The following CAMKMT variants were observed in gnomAD, a reference collection of about 807,000 sequenced individuals.
CAMKMT encodes the protein CaM KMT.
In CAMKMT, 53 loss-of-function variants were observed where a neutral mutation model predicts 48.0. The ratio of observed to expected loss-of-function variants is 1.10; its 90% CI spans 0.89 to 1.39. CAMKMT has a LOEUF of 1.39. Ranked by LOEUF, CAMKMT falls within the 40% of genes most tolerant of loss-of-function variation. CAMKMT has a pLI of 0.00. For synonymous variants in CAMKMT, 165 were observed against 152.3 expected (o/e 1.08, Z -0.61); for missense variants, 428 against 402.7 (o/e 1.06, Z -0.54).
intron 3 of CAMKMT, among the ~76,000 whole-genome samples, chr2:44,628,396 C>G (rs1431011486): frequency 6.6e-6 from 1 of 151,898 alleles, no homozygotes; most frequent in Non-Finnish European, 1.5e-5. Context: ...TTTTCTTTCT[C>G]CTTTTATCTT....
intron 3 of CAMKMT, among the ~76,000 whole-genome samples, chr2:44,437,709 C>T (rs1049670396): frequency 1.3e-5 from 2 of 151,716 alleles, no homozygotes; most frequent in African/African-American, 2.4e-5. Flanking sequence ...ATCATTTGGG[C>T]GTGGTGCATA....
At chr2:44,536,610 G>A (rs1476503231) in intron 3 of CAMKMT, among the ~76,000 whole-genome samples, 1 of 151,952 alleles carries the variant, frequency 6.6e-6, no homozygotes, top group African/African-American at 2.4e-5. Context: ...TTACAGGTGT[G>A]AGCCACTACA....
intron 3 of CAMKMT, chr2:44,456,529 A>G (rs1041165734): frequency 3.0e-5 from 47 of 1,546,186 alleles, no homozygotes; most frequent in Non-Finnish European, 3.9e-5. Context: ...ACTACAGCCA[A>G]GTTTACCTTT....
At chr2:44,367,486 G>A (rs1678724581) in intron 1 of CAMKMT, among the ~76,000 whole-genome samples, 1 of 152,164 alleles carries the variant, frequency 6.6e-6, no homozygotes, top group Non-Finnish European at 1.5e-5. Flanking sequence ...AAAAACAAAT[G>A]AATTTCATGT....
chr2:44,536,472 C>T (rs1425476929), intron 3 of CAMKMT, among the ~76,000 whole-genome samples: 1 of 151,482 alleles, frequency 6.6e-6, no homozygotes, highest in Non-Finnish European at 1.5e-5. Context: ...TTATAGGTGC[C>T]CGCCACCGTG....
chr2:44,650,945 C>A (rs1674025285), intron 3 of CAMKMT, among the ~76,000 whole-genome samples: 2 of 152,032 alleles, frequency 1.3e-5, no homozygotes, highest in Admixed American at 1.3e-4. Flanking sequence ...TATTAAGACC[C>A]CAATAGCTAG....
At chr2:44,405,129 C>G (rs566041151) in intron 3 of CAMKMT, among the ~76,000 whole-genome samples, 1 of 152,016 alleles carries the variant, frequency 6.6e-6, no homozygotes, top group Non-Finnish European at 1.5e-5. Context: ...TAAAATCTAT[C>G]TAAATACAAG....
chr2:44,409,111 A>T (rs1219646358), intron 3 of CAMKMT, among the ~76,000 whole-genome samples: 4 of 3,846 alleles, frequency 1.0e-3, no homozygotes, highest in Admixed American at 2.9e-3. Context: ...ATATATATAT[A>T]TATATATATA....
intron 3 of CAMKMT, among the ~76,000 whole-genome samples, chr2:44,493,215 G>A (rs928684907): frequency 6.6e-6 from 1 of 151,918 alleles, no homozygotes; most frequent in Non-Finnish European, 1.5e-5. Context: ...GCTCTATTAA[G>A]CACTGGTCAA....
chr2:44,373,105 A>G (rs774581572), intron 2 of CAMKMT, among the ~76,000 whole-genome samples: 1 of 152,232 alleles, frequency 6.6e-6, no homozygotes, highest in Non-Finnish European at 1.5e-5. Flanking sequence ...ATATAGTGGC[A>G]TTTGAAGATA....
intron 3 of CAMKMT, among the ~76,000 whole-genome samples, chr2:44,490,393 A>G (rs1303961564): frequency 6.6e-6 from 1 of 152,046 alleles, no homozygotes; most frequent in Non-Finnish European, 1.5e-5. Context: ...CTCCTGCCTC[A>G]GCCTCCTGAG....
intron 3 of CAMKMT, among the ~76,000 whole-genome samples, chr2:44,561,420 A>G (rs772499582): frequency 1.4e-4 from 22 of 152,148 alleles, no homozygotes; most frequent in Non-Finnish European, 2.9e-4. Context: ...ACATAGATAA[A>G]TATATTCTGA....
intron 1 of CAMKMT, among the ~76,000 whole-genome samples, chr2:44,364,702 A>G (rs954667639): frequency 2.6e-4 from 40 of 152,334 alleles, no homozygotes; most frequent in African/African-American, 7.5e-4. Context: ...AGTGGCATAC[A>G]ACAGTTAGTA....
At chr2:44,757,311 G>A (rs1680422598) in intron 9 of CAMKMT, among the ~76,000 whole-genome samples, 1 of 152,206 alleles carries the variant, frequency 6.6e-6, no homozygotes, top group Non-Finnish European at 1.5e-5. Context: ...GAGTTCACCT[G>A]TGCTCTCATA....
intron 3 of CAMKMT, among the ~76,000 whole-genome samples, chr2:44,520,833 A>T (rs1201572876): frequency 6.6e-6 from 1 of 152,080 alleles, no homozygotes; most frequent in Admixed American, 6.5e-5. Context: ...AGTGAGTCTT[A>T]TGAGATCTGA....
In CAMKMT at chr2:44,461,339, TA is replaced by T. The variant is rs887341485; in HGVS notation, c.376+71042del. ...GCAGTTTACTCATTAAATATCTCATTAAAAAAAACCTCTAAAGAAGGTACTA... is the reference window on the plus strand; with the variant it reads ...GCAGTTTACTCATTAAATATCTCATTAAAAAAACCTCTAAAGAAGGTACTA... On this transcript the variant is annotated intron_variant, in intron 3 of 10. Transcript: ENST00000378494. 3.3e-5 allele frequency among the ~76,000 whole-genome samples: 5 copies of T among 151,872 alleles called. No individual in the cohort carries two copies. The South Asian group carries it at 6.2e-4, about 19-fold the overall frequency.
At chr2:44,615,852 G>C (rs1671860626) in intron 3 of CAMKMT, among the ~76,000 whole-genome samples, 1 of 152,130 alleles carries the variant, frequency 6.6e-6, no homozygotes, top group African/African-American at 2.4e-5. Context: ...CAACTGTGCA[G>C]TTAGGGAAGA....
intron 3 of CAMKMT, among the ~76,000 whole-genome samples, chr2:44,520,085 G>A (rs1671024977): frequency 6.6e-6 from 1 of 151,772 alleles, no homozygotes; most frequent in Non-Finnish European, 1.5e-5. Flanking sequence ...CAGGCGTGGT[G>A]GTGGGCACCT....
chr2:44,423,092 A>G (rs1316055323), intron 3 of CAMKMT, among the ~76,000 whole-genome samples: 3 of 152,204 alleles, frequency 2.0e-5, no homozygotes, highest in South Asian at 2.1e-4. Flanking sequence ...TATTTGTTCT[A>G]CTGATCATCC....
Sources: allele counts gnomAD v4.1 joint callset (sites outside exome capture counted in the v4.1 genomes callset), GRCh38; gene constraint gnomAD v4.1.1; transcripts MANE v1.5; gene names NCBI Gene and HGNC (gene_info 2026-07-23, HGNC 2026-07-21).